LRRC37A2: variants seen among roughly 807,000 people sequenced by gnomAD.
LRRC37A2 encodes leucine-rich repeat-containing protein 37A2.
LRRC37A2 carries 9 observed loss-of-function variants against 68.8 expected under a neutral mutation model. That is an observed-to-expected ratio of 0.13 (90% CI 0.08 to 0.23). LRRC37A2 has a LOEUF of 0.23. LRRC37A2 is among the 10% of genes least tolerant of loss of function. LRRC37A2 has a pLI of 1.00. For synonymous variants in LRRC37A2, 63 were observed against 367.6 expected (o/e 0.17, Z 9.48); for missense variants, 168 against 950.4 (o/e 0.18, Z 10.82).
chr17:47,045,057 A>G, the LRRC37A2 span, among the ~76,000 whole-genome samples: 240 of 138,260 alleles, frequency 1.7e-3, 1 homozygote, highest in African/African-American at 4.5e-3. Context: ...AGGCTGCTAT[A>G]TAACAAAATG....
the LRRC37A2 span, chr17:46,872,841 G>A: frequency 1.3e-6 from 2 of 1,489,836 alleles, no homozygotes; most frequent in Non-Finnish European, 1.8e-6. Context: ...GAGGCTGGGA[G>A]AGGCTGCCCT....
At chr17:46,975,988 G>C in the LRRC37A2 span, among the ~76,000 whole-genome samples, 3,850 of 152,076 alleles carry the variant, frequency 0.025, 69 homozygotes, top group Middle Eastern at 0.079. Context: ...GTGCAGTAGC[G>C]TAATCTCGGC....
chr17:46,956,713 A>G, the LRRC37A2 span, among the ~76,000 whole-genome samples: 1 of 152,164 alleles, frequency 6.6e-6, no homozygotes, highest in Non-Finnish European at 1.5e-5. Context: ...CCATGTGTCT[A>G]CTGTCTCGTG....
the LRRC37A2 span, among the ~76,000 whole-genome samples, chr17:46,807,934 G>A: frequency 1.1e-4 from 17 of 152,148 alleles, no homozygotes; most frequent in Admixed American, 3.9e-4. Flanking sequence ...GCTGAAGGTC[G>A]AATTGTAAAA....
At chr17:46,751,121 C>T in the LRRC37A2 span, among the ~76,000 whole-genome samples, 1 of 152,078 alleles carries the variant, frequency 6.6e-6, no homozygotes, top group African/African-American at 2.4e-5. Flanking sequence ...TCAGGTTACC[C>T]ATGTAGACAG....
At chr17:46,711,465 G>T in the LRRC37A2 span, among the ~76,000 whole-genome samples, 3 of 152,272 alleles carry the variant, frequency 2.0e-5, no homozygotes, top group East Asian at 5.8e-4. Context: ...GGGATACAAA[G>T]ACATTCAAGT....
chr17:46,983,209 T>C, the LRRC37A2 span, among the ~76,000 whole-genome samples: 1 of 151,802 alleles, frequency 6.6e-6, no homozygotes, highest in African/African-American at 2.4e-5. Flanking sequence ...CCCAGAACCA[T>C]CCACGTCAGG....
the LRRC37A2 span, among the ~76,000 whole-genome samples, chr17:46,797,176 C>T: frequency 2.0e-5 from 3 of 152,212 alleles, no homozygotes; most frequent in South Asian, 2.1e-4. Context: ...TTGCCTGTGG[C>T]GATTCTTAAG....
the LRRC37A2 span, among the ~76,000 whole-genome samples, chr17:47,034,556 C>CTAAGTATG: frequency 6.6e-6 from 1 of 152,038 alleles, no homozygotes; most frequent in African/African-American, 2.4e-5. Flanking sequence ...AGTTGTTTGG[C>CTAAGTATG]TACATACTGC....
At chr17:46,722,294 T>C in the LRRC37A2 span, 1 of 782,140 alleles carries the variant, frequency 1.3e-6, no homozygotes, top group South Asian at 1.5e-5. Flanking sequence ...GTTCTTACCT[T>C]CTTACCTCCA....
chr17:47,028,467 G>C, the LRRC37A2 span: 1 of 764,454 alleles, frequency 1.3e-6, no homozygotes, highest in Non-Finnish European at 2.3e-6. Flanking sequence ...TGAAAAGCGT[G>C]TCTTAAGATC....
At chr17:46,779,091 AC>A in the LRRC37A2 span, among the ~76,000 whole-genome samples, 1 of 146,974 alleles carries the variant, frequency 6.8e-6, no homozygotes, top group Non-Finnish European at 1.5e-5. Flanking sequence ...ACACACACAC[AC>A]ACACACACAC....
the LRRC37A2 span, among the ~76,000 whole-genome samples, chr17:46,389,332 A>G: frequency 1.2e-5 from 1 of 83,262 alleles, no homozygotes; most frequent in African/African-American, 5.1e-5. Context: ...GAAAAAGTCT[A>G]TCAGGCAAAC....
chr17:46,793,671 C>T, the LRRC37A2 span, among the ~76,000 whole-genome samples: 1 of 152,188 alleles, frequency 6.6e-6, no homozygotes, highest in Non-Finnish European at 1.5e-5. Context: ...TCTCCCAAGA[C>T]AACACACCCA....
chr17:46,409,579 A>G, the LRRC37A2 span, among the ~76,000 whole-genome samples: 3 of 139,554 alleles, frequency 2.1e-5, no homozygotes, highest in Non-Finnish European at 3.2e-5. Flanking sequence ...ATCATGCCCA[A>G]CCTAAAGACA....
chr17:46,894,429 G>T, the LRRC37A2 span, among the ~76,000 whole-genome samples: 1 of 152,228 alleles, frequency 6.6e-6, no homozygotes, highest in East Asian at 1.9e-4. Flanking sequence ...AAGGTCACTG[G>T]CTGATGTGCA....
the LRRC37A2 span, among the ~76,000 whole-genome samples, chr17:46,882,147 C>A: frequency 2.6e-5 from 4 of 152,144 alleles, no homozygotes; most frequent in African/African-American, 4.8e-5. Context: ...CAGAGTGAGA[C>A]CCTGTCTCTA....
At chr17:46,961,338 G>A in the LRRC37A2 span, among the ~76,000 whole-genome samples, 4 of 152,298 alleles carry the variant, frequency 2.6e-5, no homozygotes, top group African/African-American at 9.6e-5. Flanking sequence ...TAGAGTTCGG[G>A]ACTAGCCTTG....
chr17:46,745,828 C>T, the LRRC37A2 span, among the ~76,000 whole-genome samples: 1 of 152,196 alleles, frequency 6.6e-6, no homozygotes, highest in Non-Finnish European at 1.5e-5. Flanking sequence ...AATATAACAG[C>T]ACCACTTTTT....
Sources: gnomAD v4.1 joint callset for allele counts (sites outside exome capture counted in the v4.1 genomes callset) on GRCh38, gnomAD v4.1.1 for gene constraint, MANE v1.5 for transcripts, NCBI Gene and HGNC (gene_info 2026-07-23, HGNC 2026-07-21) for gene names.